Variants in SYN3 observed in about 807,000 individuals in gnomAD.
SYN3 encodes synapsin-3.
A neutral mutation model predicts 65.8 loss-of-function variants in SYN3; 35 were observed. The observed-to-expected ratio is 0.53, with a 90% confidence interval of 0.41 to 0.70. The LOEUF (loss-of-function observed/expected upper bound fraction) is 0.70. SYN3 is among the 30% of genes least tolerant of loss of function. The pLI is 0.00. For missense variants in SYN3, 680 were observed against 749.0 expected (o/e 0.91, Z 1.08); for synonymous variants, 270 against 292.9 (o/e 0.92, Z 0.80).
chr22:32,554,960 T>C (rs5998536), intron 7 of SYN3, among the ~76,000 whole-genome samples: 3,647 of 152,330 alleles, frequency 0.024, 130 homozygotes, highest in African/African-American at 0.082. Context: ...TTCAATGAGA[T>C]ACTACATGTA....
chr22:32,909,708 A>G (rs1309461561), intron 4 of SYN3, among the ~76,000 whole-genome samples: 2 of 133,024 alleles, frequency 1.5e-5, no homozygotes, highest in Non-Finnish European at 3.0e-5. Flanking sequence ...CTGTTGGTTT[A>G]GCATTTCTCA....
chr22:32,967,286 C>G (rs143943318), intron 3 of SYN3, among the ~76,000 whole-genome samples: 1 of 152,164 alleles, frequency 6.6e-6, no homozygotes, highest in Admixed American at 6.5e-5. Context: ...TGGACCAAAA[C>G]GGGTCCAGTT....
At chr22:33,047,758 T>G (rs2054092690) in intron 1 of SYN3, among the ~76,000 whole-genome samples, 1 of 150,686 alleles carries the variant, frequency 6.6e-6, no homozygotes, top group Non-Finnish European at 1.5e-5. Context: ...AATGAATACA[T>G]GAGCATTTAC....
At chr22:32,985,459 A>T (rs958242847) in intron 2 of SYN3, among the ~76,000 whole-genome samples, 4 of 152,198 alleles carry the variant, frequency 2.6e-5, no homozygotes, top group African/African-American at 9.7e-5. Context: ...TTGGCCTATA[A>T]GGACAGCCAG....
rs58987529 is a variant in SYN3 at position 32,647,451 on chromosome 22, CT to C, written c.712-50716del. Among the ~76,000 whole-genome samples, 357 of 144,552 alleles carry C rather than the reference CT, an allele frequency of 2.5e-3. 1 individual carries two copies. Among genetic ancestry groups the C allele is most frequent in the Middle Eastern group, 7.3e-3 (2 of 274 alleles). The allele number at this position is 144,552 out of a possible 152,430, so 94.8% of individuals were successfully genotyped here. A position where few individuals can be genotyped will look rare whatever the true frequency, so the allele number is the denominator to read the frequency against. ...TTCTAGCTTTGAGATTTTTCTTTTT[CT>C]TTTTTTTTTTTTGAGACAGGGTCTC... On this transcript the variant is annotated intron_variant, in intron 6 of 13. Transcript: ENST00000358763.
chr22:32,622,209 C>A (rs1037710492), intron 6 of SYN3, among the ~76,000 whole-genome samples: 6 of 152,046 alleles, frequency 3.9e-5, no homozygotes, highest in African/African-American at 1.2e-4. Context: ...GCCCCACCCA[C>A]ATTCATCACT....
chr22:32,906,666 C>T (rs559490896), intron 4 of SYN3, among the ~76,000 whole-genome samples: 1 of 152,028 alleles, frequency 6.6e-6, no homozygotes, highest in South Asian at 2.1e-4. Context: ...TTGCCCCCCA[C>T]CCCCCGACAG....
At chr22:32,515,749 G>A (rs901201987) in intron 13 of SYN3, among the ~76,000 whole-genome samples, 11 of 151,932 alleles carry the variant, frequency 7.2e-5, no homozygotes, top group Admixed American at 2.0e-4. Context: ...ATGGTACAGC[G>A]GAATACTATA....
At chr22:32,918,765 TA>T (rs1296868498) in intron 4 of SYN3, among the ~76,000 whole-genome samples, 2 of 152,152 alleles carry the variant, frequency 1.3e-5, no homozygotes. Flanking sequence ...GCCGAGCTAG[TA>T]ACACAGACAC....
At chr22:32,977,867 C>A (rs1234564229) in intron 3 of SYN3, among the ~76,000 whole-genome samples, 1 of 152,090 alleles carries the variant, frequency 6.6e-6, no homozygotes, top group Non-Finnish European at 1.5e-5. Flanking sequence ...TGTGCCAGGC[C>A]CAGTGCTACT....
chr22:32,671,750 G>T (rs1334780690), intron 6 of SYN3, among the ~76,000 whole-genome samples: 1 of 132,570 alleles, frequency 7.5e-6, no homozygotes, highest in Admixed American at 7.7e-5. Context: ...CTATCACACA[G>T]GTGCACACAC....
intron 12 of SYN3, among the ~76,000 whole-genome samples, chr22:32,521,592 G>A (rs540516123): frequency 1.6e-4 from 25 of 151,924 alleles, no homozygotes; most frequent in African/African-American, 5.6e-4. Flanking sequence ...GATTACAGGC[G>A]TCCGCCACCA....
Position 33,003,134 on chromosome 22 carries a change from G to A in SYN3, c.311+3218C>T, listed in dbSNP as rs186513657. Among the ~76,000 whole-genome samples, 890 of 152,248 alleles carry A rather than the reference G, an allele frequency of 5.8e-3. 7 individuals carry two copies. Among genetic ancestry groups the A allele is most frequent in the South Asian group, 0.028 (136 of 4,814 alleles). ...GTGGAACTGTGAGTCAATTAAACCC[G>A]TTTTCCTTTATAAATTACCCAGTCT... On this transcript the variant is annotated intron_variant, in intron 2 of 13. Transcript: ENST00000358763.
intron 4 of SYN3, among the ~76,000 whole-genome samples, chr22:32,901,061 T>G (rs1335215910): frequency 1.3e-5 from 2 of 152,180 alleles, no homozygotes; most frequent in Non-Finnish European, 2.9e-5. Context: ...ATTATGCAAT[T>G]TGCAGTCTTT....
chr22:32,646,747 A>C (rs1418467217), intron 6 of SYN3, among the ~76,000 whole-genome samples: 1 of 152,186 alleles, frequency 6.6e-6, no homozygotes, highest in East Asian at 1.9e-4. Flanking sequence ...GTGAGCAGAG[A>C]CTGAGAAACA....
At position 32,565,135 on chromosome 22, in the gene SYN3, A is replaced by G. The variant is rs536008600; in HGVS notation, c.775-23422T>C. Among the ~76,000 whole-genome samples the G allele has an allele frequency of 1.4e-4, 21 of 151,016 alleles. No individual in the cohort carries two copies. The South Asian group carries it at 1.5e-3, about 11-fold the overall frequency. On this transcript the variant is annotated intron_variant, in intron 7 of 13. Coordinates refer to ENST00000358763, the MANE Select transcript of SYN3 (RefSeq NM_003490.4). ...AGACAGTGCTCCCGGACTGCACCCA[A>G]ACAGTGCTCCTGGGCTGCACCCAAA... is the stretch of plus-strand genomic sequence containing the variant.
At chr22:32,608,251 G>C (rs930292641) in intron 6 of SYN3, among the ~76,000 whole-genome samples, 2 of 152,108 alleles carry the variant, frequency 1.3e-5, no homozygotes, top group Non-Finnish European at 2.9e-5. Context: ...TGTATTTTTA[G>C]TAGAGGTGGG....
chr22:33,021,054 T>G (rs1428856788), intron 1 of SYN3, among the ~76,000 whole-genome samples: 1 of 152,110 alleles, frequency 6.6e-6, no homozygotes. Context: ...TTAGACAATG[T>G]GTTTCCCATT....
At chr22:32,733,626 C>A (rs928635348) in intron 6 of SYN3, among the ~76,000 whole-genome samples, 1 of 152,232 alleles carries the variant, frequency 6.6e-6, no homozygotes, top group Non-Finnish European at 1.5e-5. Context: ...TTATCTTATT[C>A]ATCTCTGTGT....
Sources: allele counts gnomAD v4.1 joint callset (sites outside exome capture counted in the v4.1 genomes callset), GRCh38; gene constraint gnomAD v4.1.1; transcripts MANE v1.5; gene names NCBI Gene and HGNC (gene_info 2026-07-23, HGNC 2026-07-21).